RBFOX1: variants seen among roughly 807,000 people sequenced by gnomAD.
RBFOX1 encodes the protein RNA binding protein fox-1 homolog 1.
RBFOX1 carries 8 observed loss-of-function variants against 57.7 expected under a neutral mutation model. The ratio of observed to expected loss-of-function variants is 0.14; its 90% CI spans 0.08 to 0.25. The LOEUF (loss-of-function observed/expected upper bound fraction) is 0.25, where lower values mean the gene tolerates loss of function less well. Ranked by LOEUF, RBFOX1 falls within the 10% of genes least tolerant of loss-of-function variation. RBFOX1 has a pLI of 1.00. For missense variants in RBFOX1, 611 were observed against 548.5 expected (o/e 1.11, Z -1.14); for synonymous variants, 326 against 222.4 (o/e 1.47, Z -4.15).
intron 3 of RBFOX1, among the ~76,000 whole-genome samples, chr16:6,922,923 G>T (rs138821375): frequency 6.6e-6 from 1 of 151,988 alleles, no homozygotes; most frequent in Non-Finnish European, 1.5e-5. Flanking sequence ...ATTTCCTTTT[G>T]GCCATTTTTG....
At chr16:6,968,401 C>G (rs1479251917) in intron 3 of RBFOX1, among the ~76,000 whole-genome samples, 1 of 152,154 alleles carries the variant, frequency 6.6e-6, no homozygotes, top group African/African-American at 2.4e-5. Flanking sequence ...TTAATACTGT[C>G]TTTTTTTCCT....
chr16:6,859,153 G>GTA (rs549747996), intron 3 of RBFOX1, among the ~76,000 whole-genome samples: 9 of 81,444 alleles, frequency 1.1e-4, no homozygotes, highest in Admixed American at 3.0e-4. Context: ...ATATATATAT[G>GTA]TATATATATA....
Position 6,019,876 on chromosome 16 carries a change from C to G in RBFOX1, c.-243C>G, listed in dbSNP as rs773426117. 2 of 1,534,756 alleles carry G rather than the reference C, an allele frequency of 1.3e-6. No individual in the cohort carries two copies. Among genetic ancestry groups the G allele is most frequent in the Non-Finnish European group, 1.7e-6 (2 of 1,146,402 alleles). Reference sequence around the variant, plus strand: ...GCGGACAGTGCGTGAGAAACCAGCACCCCCTTCCGCCGCCTCCAGCTTATG... The same window carrying G: ...GCGGACAGTGCGTGAGAAACCAGCAGCCCCTTCCGCCGCCTCCAGCTTATG... On this transcript the variant is annotated 5_prime_UTR_variant, in exon 1 of 16. Transcript: ENST00000550418. This position sits in a 1 kb window ranked among gnomAD's most constrained non-coding sequence, Gnocchi z 4.2.
chr16:7,462,183 AAG>A (rs1212858560), intron 4 of RBFOX1, among the ~76,000 whole-genome samples: 1 of 152,216 alleles, frequency 6.6e-6, no homozygotes. Flanking sequence ...GCGGGTCACA[AAG>A]AGAGTTTTCC....
At chr16:7,558,811 T>C (rs927603056) in intron 5 of RBFOX1, among the ~76,000 whole-genome samples, 8 of 152,194 alleles carry the variant, frequency 5.3e-5, no homozygotes, top group Admixed American at 2.0e-4. Flanking sequence ...GCCATAAGCC[T>C]TTCTGAGAGC....
chr16:5,882,291 C>T (rs565388980), intron 4 of RBFOX1, among the ~76,000 whole-genome samples: 4 of 152,246 alleles, frequency 2.6e-5, no homozygotes, highest in East Asian at 3.9e-4. Context: ...GGTGCAGTCA[C>T]CTTAAGAAAC....
chr16:7,256,612 G>A (rs1446131746), intron 4 of RBFOX1, among the ~76,000 whole-genome samples: 1 of 152,036 alleles, frequency 6.6e-6, no homozygotes, highest in Admixed American at 6.6e-5. Context: ...CTTCTGGATG[G>A]CCACAAACCA....
At chr16:7,608,621 C>T (rs1166169901) in intron 10 of RBFOX1, among the ~76,000 whole-genome samples, 2 of 152,174 alleles carry the variant, frequency 1.3e-5, no homozygotes, top group African/African-American at 2.4e-5. Flanking sequence ...GCCTACACAG[C>T]TCGGGTTCAA....
intron 2 of RBFOX1, among the ~76,000 whole-genome samples, chr16:6,535,589 A>G (rs2096723995): frequency 6.6e-6 from 1 of 152,224 alleles, no homozygotes; most frequent in African/African-American, 2.4e-5. Flanking sequence ...ACAAATGCTT[A>G]AATGATTCAG....
At chr16:6,612,824 C>T (rs920336953) in intron 2 of RBFOX1, among the ~76,000 whole-genome samples, 13 of 144,518 alleles carry the variant, frequency 9.0e-5, no homozygotes, top group Admixed American at 5.8e-4. Context: ...TGCACTCCAG[C>T]CTGGGAGACA....
intron 3 of RBFOX1, among the ~76,000 whole-genome samples, chr16:6,701,083 A>T (rs1461639920): frequency 6.6e-6 from 1 of 151,860 alleles, no homozygotes; most frequent in Non-Finnish European, 1.5e-5. Flanking sequence ...GCCTCAGCTG[A>T]CCCATTGGGG....
At chr16:6,774,269 T>C (rs1172403810) in intron 3 of RBFOX1, among the ~76,000 whole-genome samples, 1 of 152,138 alleles carries the variant, frequency 6.6e-6, no homozygotes, top group Non-Finnish European at 1.5e-5. Flanking sequence ...TCATGGAGCA[T>C]GTCTACTCTA....
In RBFOX1 at chr16:6,859,129, A is replaced by ATATATATATGTATATATATATG. The variant is rs1567592071; in HGVS notation, c.-15-192928_-15-192927insTATATATATGTATATATATATG. Among the ~76,000 whole-genome samples the ATATATATATGTATATATATATG allele has an allele frequency of 4.1e-3, 309 of 75,624 alleles. 17 individuals carry two copies. The highest frequency in any genetic ancestry group is 0.024 in the African/African-American group (294 of 12,236). The allele number at this position is 75,624 out of a possible 152,430, so 49.6% of individuals were successfully genotyped here. On this transcript the variant is annotated intron_variant, in intron 3 of 15. Transcript: ENST00000550418. ...AAAAAGTGTATATATATATATATAT[A>ATATATATATGTATATATATATG]CATATATATACGTATATATATATGT...
intron 10 of RBFOX1, among the ~76,000 whole-genome samples, chr16:7,622,982 C>T (rs1005258387): frequency 5.9e-5 from 9 of 152,152 alleles, no homozygotes; most frequent in East Asian, 3.9e-4. Context: ...ACCGTCCATT[C>T]GGGCTTTGGG....
chr16:7,614,487 G>A (rs764317856), intron 10 of RBFOX1: 1 of 152,064 alleles, frequency 6.6e-6, no homozygotes, highest in African/African-American at 2.4e-5. Context: ...TTGATCTTCA[G>A]ATAAGATCAG....
intron 11 of RBFOX1, among the ~76,000 whole-genome samples, chr16:7,640,582 A>T (rs976492663): frequency 1.3e-5 from 2 of 152,238 alleles, no homozygotes; most frequent in African/African-American, 4.8e-5. Flanking sequence ...CTGGGATTCC[A>T]ATGCATACAC....
At chr16:6,315,681 A>C (rs771932789) in intron 1 of RBFOX1, among the ~76,000 whole-genome samples, 1 of 152,200 alleles carries the variant, frequency 6.6e-6, no homozygotes, top group Non-Finnish European at 1.5e-5. Context: ...AAGAAATTGA[A>C]AACATCAAAA....
intron 4 of RBFOX1, among the ~76,000 whole-genome samples, chr16:5,917,438 G>C (rs1253369955): frequency 6.6e-6 from 1 of 152,182 alleles, no homozygotes; most frequent in Non-Finnish European, 1.5e-5. Flanking sequence ...AAAACAGAGA[G>C]GTTGAGACGT....
chr16:6,497,864 A>G (rs1422817681), intron 2 of RBFOX1, among the ~76,000 whole-genome samples: 9 of 151,982 alleles, frequency 5.9e-5, no homozygotes, highest in African/African-American at 1.9e-4. Flanking sequence ...GCCCTATTTT[A>G]TATTCACAAG....
Sources: allele counts gnomAD v4.1 joint callset (sites outside exome capture counted in the v4.1 genomes callset), GRCh38; gene constraint gnomAD v4.1.1; non-coding constraint Gnocchi (gnomAD v3.1); transcripts MANE v1.5; gene names NCBI Gene and HGNC (gene_info 2026-07-23, HGNC 2026-07-21).